Variants in COL4A4 observed in about 807,000 individuals in gnomAD.
COL4A4 encodes the protein collagen alpha-4(IV) chain.
A neutral mutation model predicts 192.9 loss-of-function variants in COL4A4; 105 were observed. The observed-to-expected ratio is 0.54, with a 90% CI of 0.46 to 0.64. COL4A4 has a LOEUF of 0.64. COL4A4 is among the 30% of genes least tolerant of loss of function. The pLI is 0.00. For missense variants in COL4A4, 1,967 were observed against 2,169.3 expected (o/e 0.91, Z 1.85); for synonymous variants, 762 against 769.9 (o/e 0.99, Z 0.17).
chr2:227,041,842 A>AAGAGAGAGAGAGAGAGAGAG (rs1271004493), intron 37 of COL4A4, among the ~76,000 whole-genome samples: 1 of 62,760 alleles, frequency 1.6e-5, no homozygotes. Context: ...GAAAGAAAGA[A>AAGAGAGAGAGAGAGAGAGAG]AGAAAGAGAA....
chr2:226,989,805 A>G, the COL4A4 span, among the ~76,000 whole-genome samples: 12 of 152,334 alleles, frequency 7.9e-5, no homozygotes, highest in East Asian at 1.9e-3. Flanking sequence ...GAAAAGTACA[A>G]CAGGTAAAGT....
At chr2:227,084,833 AC>A (rs373715840) in intron 22 of COL4A4, among the ~76,000 whole-genome samples, 4 of 152,280 alleles carry the variant, frequency 2.6e-5, no homozygotes, top group African/African-American at 9.6e-5. Flanking sequence ...CCCAGCAGCA[AC>A]AAAAACTCCT....
At position 227,045,868 on chromosome 2, in the gene COL4A4, A is replaced by G. The variant is rs1293615155; in HGVS notation, c.3289+1607T>C. Among the ~76,000 whole-genome samples the G allele has an allele frequency of 8.8e-3, 784 of 89,222 alleles. 88 individuals carry two copies. The highest frequency in any genetic ancestry group is 0.026 in the African/African-American group (533 of 20,420). 58.5% of individuals were successfully genotyped at this position (89,222 alleles called of 152,430 possible). ...TATATACACATATATATATACACATATATATACATATATATGTATATATAT... is the reference window on the plus strand; with the variant it reads ...TATATACACATATATATATACACATGTATATACATATATATGTATATATAT... On this transcript the variant is annotated intron_variant, in intron 35 of 47. Coordinates refer to ENST00000396625, the MANE Select transcript of COL4A4 (RefSeq NM_000092.5).
At position 227,108,882 on chromosome 2, in the gene COL4A4, GA is replaced by G. The variant is rs747697337; in HGVS notation, c.658-15del. 10 of 1,609,456 alleles carry G rather than the reference GA, an allele frequency of 6.2e-6. No homozygotes were observed. The highest frequency in any genetic ancestry group is 1.3e-5 in the African/African-American group (1 of 74,768). ...GCCCGGAGGTCCCTAAATCAAGGGA[GA>G]AAAAAACACAAATCAATCATCAGAC... On this transcript the variant is annotated splice_polypyrimidine_tract_variant and intron_variant, in intron 10 of 47. Coordinates refer to ENST00000396625, the MANE Select transcript of COL4A4 (RefSeq NM_000092.5).
intron 38 of COL4A4, 28 bp from the exon 39 acceptor site, chr2:227,032,304 A>T: frequency 6.2e-7 from 1 of 1,600,032 alleles, no homozygotes; most frequent in South Asian, 1.1e-5. Context: ...AATTAATACT[A>T]TATCTTCTCT....
At chr2:226,982,138 G>A in the COL4A4 span, among the ~76,000 whole-genome samples, 1 of 152,246 alleles carries the variant, frequency 6.6e-6, no homozygotes, top group African/African-American at 2.4e-5. Flanking sequence ...CTCACATGTG[G>A]TAGGGTTGGG....
At chr2:227,076,352 T>C (rs891473111) in intron 25 of COL4A4, among the ~76,000 whole-genome samples, 6 of 152,186 alleles carry the variant, frequency 3.9e-5, no homozygotes, top group African/African-American at 1.2e-4. Context: ...TACAACCATC[T>C]GCTTTTTGAC....
the COL4A4 span, among the ~76,000 whole-genome samples, chr2:226,970,047 G>A: frequency 1.5e-5 from 2 of 131,840 alleles, no homozygotes; most frequent in Non-Finnish European, 3.0e-5. Flanking sequence ...TGGTCACATC[G>A]TCATCCCAGC....
At position 227,039,587 on chromosome 2, in the gene COL4A4, TG is replaced by T. The variant is rs754175894; in HGVS notation, c.3505+2560del. 8.5e-5 allele frequency among the ~76,000 whole-genome samples: 13 copies of T among 152,106 alleles called. No individual in the cohort carries two copies. The East Asian group carries it at 2.3e-3, about 27-fold the overall frequency. On this transcript the variant is annotated intron_variant, in intron 37 of 47. Transcript: ENST00000396625. The stretch of plus-strand genomic sequence containing the variant: ...GCCCTGCCATTTTGACCAAATTGGG[TG>T]TATGTTTTTAAGCCACCAAGACACT...
At chr2:227,019,494 T>C (rs1287507763) in intron 44 of COL4A4, among the ~76,000 whole-genome samples, 1 of 152,200 alleles carries the variant, frequency 6.6e-6, no homozygotes, top group Non-Finnish European at 1.5e-5. Flanking sequence ...GCCCAGTCTG[T>C]GCTCCCGCCA....
chr2:227,002,862 G>C lies in COL4A4; in HGVS notation c.*4463C>G, dbSNP rs1961321012. On this transcript the variant is annotated 3_prime_UTR_variant, in exon 48 of 48. Coordinates refer to ENST00000396625, the MANE Select transcript of COL4A4 (RefSeq NM_000092.5). ...ACTTTACAACCAGAGGTTAGAGAAA[G>C]GGATGCAATTTATTAGACACATTTC... 6.6e-6 allele frequency: 1 copy of C among 152,630 alleles called. No homozygotes were observed. The highest frequency in any genetic ancestry group is 2.4e-5 in the African/African-American group (1 of 41,444). 9.5% of individuals were successfully genotyped at this position (152,630 alleles called of 1,614,324 possible).
At chr2:227,102,733 A>G (rs1202054751) in intron 15 of COL4A4, 56 bp downstream of exon 15, 1 of 1,487,818 alleles carries the variant, frequency 6.7e-7, no homozygotes, top group Non-Finnish European at 9.4e-7. Flanking sequence ...GTTTTATAAA[A>G]ACATGAAAGA....
rs759838078 is a variant in COL4A4, at chr2:227,147,451, G to A, written c.33C>T (p.Cys11=). 3 of 1,613,740 alleles carry A rather than the reference G, an allele frequency of 1.9e-6. No individual in the cohort carries two copies. The highest frequency in any genetic ancestry group is 2.5e-6 in the Non-Finnish European group (3 of 1,179,862). Reference sequence around the variant, plus strand: ...CCAAGGACTTGGTCAATCTGAAGGAGCACCTCATTAGTACTATGTGCAGAG... The same window carrying A: ...CCAAGGACTTGGTCAATCTGAAGGAACACCTCATTAGTACTATGTGCAGAG... MWSLHIVLMR[C]SFRLTKSLAT... Residue 11 remains cysteine (C), a synonymous_variant, in exon 2 of 48, where the codon TGC becomes TGT. Transcript: ENST00000396625.
At chr2:226,996,067 G>A in the COL4A4 span, 1 of 157,332 alleles carries the variant, frequency 6.4e-6, no homozygotes, top group East Asian at 1.9e-4. Context: ...CCCTGCGTCT[G>A]GCTGGTGTTT....
intron 41 of COL4A4, 117 bp from the exon 42 acceptor site, chr2:227,028,126 G>A (rs1967389960): frequency 1.3e-6 from 1 of 768,630 alleles, no homozygotes; most frequent in Non-Finnish European, 2.2e-6. Context: ...GGCATAGCTA[G>A]CCTGAGAGTC....
rs535913514 is a variant in COL4A4 at position 227,118,543 on chromosome 2, G to A, written c.489+102C>T. On this transcript the variant is annotated intron_variant, in intron 7 of 47. Coordinates refer to ENST00000396625, the MANE Select transcript of COL4A4 (RefSeq NM_000092.5). ...ACTCCCATTTGTTGACAATGCTCCA[G>A]GCACACTTGTATTAACTCTGTTTCT... 103 of 914,100 alleles carry A rather than the reference G, an allele frequency of 1.1e-4. No homozygotes were observed. The African/African-American group carries it at 1.4e-3, about 12-fold the overall frequency. 56.6% of individuals were successfully genotyped at this position (914,100 alleles called of 1,614,324 possible).
chr2:227,033,442 A>T lies in COL4A4; in HGVS notation c.3545T>A (p.Leu1182Ter), dbSNP rs527832060. The change falls in exon 38 of 48, where the codon TTG becomes TAG. Residue 1182 changes from leucine to a stop codon, truncating the protein, a stop_gained. Coordinates refer to ENST00000396625, the MANE Select transcript of COL4A4 (RefSeq NM_000092.5). LOFTEE classifies it high-confidence loss of function. ...ACCTTTAGTTCCTTTCTGACCTTTC[A>T]ATCCATGCAAGCCGTTCAGGCCAGG... Reference protein sequence around the residue: ...GSPGLNGLHGLKGQKGTKGAS... With the variant: ...GSPGLNGLHG 6.2e-7 allele frequency: 1 copy of T among 1,613,682 alleles called. No individual in the cohort carries two copies. The highest frequency in any genetic ancestry group is 1.3e-5 in the African/African-American group (1 of 75,044).
Position 227,047,586 on chromosome 2 carries a change from CA to C in COL4A4, c.3215-38del, listed in dbSNP as rs780395431. On this transcript the variant is annotated intron_variant, in intron 34 of 47. Transcript: ENST00000396625. ...AAAATGCATGTGACATTACTTTAGACAATTTAATTTGGTCTCATACAGGTGA... is the reference window on the plus strand; with the variant it reads ...AAAATGCATGTGACATTACTTTAGACATTTAATTTGGTCTCATACAGGTGA... The C allele has an allele frequency of 2.7e-6, 4 of 1,465,764 alleles. No homozygotes were observed. In the South Asian group the frequency reaches 4.6e-5, roughly 17 times the overall value. 90.8% of individuals were successfully genotyped at this position (1,465,764 alleles called of 1,614,324 possible).
chr2:227,046,869 T>C (rs1277239054), intron 35 of COL4A4, among the ~76,000 whole-genome samples: 1 of 152,030 alleles, frequency 6.6e-6, no homozygotes, highest in Non-Finnish European at 1.5e-5. Context: ...TGCATCACAA[T>C]CCATTCTGAA....
Sources: allele counts gnomAD v4.1 joint callset (sites outside exome capture counted in the v4.1 genomes callset), GRCh38; gene constraint gnomAD v4.1.1; transcripts MANE v1.5; gene names NCBI Gene and HGNC (gene_info 2026-07-23, HGNC 2026-07-21).